LAMP3: variants seen among roughly 807,000 people sequenced by gnomAD.
The protein encoded by LAMP3 is lysosome associated membrane protein 3.
Under a neutral mutation model 34.8 loss-of-function variants are expected in LAMP3, and 26 were observed. That is an observed-to-expected ratio of 0.75 (90% CI 0.55 to 1.04). The LOEUF is 1.04. LAMP3 is among the 50% of genes least tolerant of loss of function. The pLI, the probability that LAMP3 is intolerant of heterozygous loss-of-function variation, is 0.00. For missense variants in LAMP3, 495 were observed against 524.0 expected (o/e 0.94, Z 0.54); for synonymous variants, 180 against 201.9 (o/e 0.89, Z 0.92).
intron 3 of LAMP3, among the ~76,000 whole-genome samples, chr3:183,148,600 A>C (rs1238067961): frequency 2.0e-5 from 3 of 152,248 alleles, no homozygotes; most frequent in Non-Finnish European, 4.4e-5. Flanking sequence ...AAGGTGCTCA[A>C]CACCACTGAT....
At chr3:183,162,103 T>G in intron 1 of LAMP3, 4 of 312,974 alleles carry the variant, frequency 1.3e-5, no homozygotes, top group Non-Finnish European at 1.9e-5. Flanking sequence ...GGAAAAGCTC[T>G]GGAGAAAGCG....
At position 183,143,309 on chromosome 3, in the gene LAMP3, C is replaced by G. The variant is rs1218902017; in HGVS notation, c.889-2714G>C. Among the ~76,000 whole-genome samples the G allele has an allele frequency of 1.1e-4, 17 of 152,268 alleles. No homozygotes were observed. The East Asian group carries it at 3.3e-3, about 29-fold the overall frequency. ...AAATTTTTTTATAGAGATGGGATCT[C>G]ACTATGGTGCCCAGGCTAGTCTTGA... On this transcript the variant is annotated intron_variant, in intron 3 of 5. Transcript: ENST00000265598.
At chr3:183,148,909 G>C (rs1425492907) in intron 3 of LAMP3, among the ~76,000 whole-genome samples, 3 of 152,184 alleles carry the variant, frequency 2.0e-5, no homozygotes, top group Non-Finnish European at 4.4e-5. Context: ...TTCTAGCACT[G>C]TTCACAACAG....
At chr3:183,155,259 G>A (rs1397261706) in intron 1 of LAMP3, among the ~76,000 whole-genome samples, 2 of 152,090 alleles carry the variant, frequency 1.3e-5, no homozygotes, top group African/African-American at 4.8e-5. Context: ...TTTGCCATGC[G>A]TTCATCCAAT....
chr3:183,138,358 T>G (rs924117789), intron 4 of LAMP3, among the ~76,000 whole-genome samples: 56 of 152,218 alleles, frequency 3.7e-4, no homozygotes, highest in Non-Finnish European at 8.8e-5. Context: ...GTAGCTGATA[T>G]TTTAAGTAGA....
At chr3:183,132,309 A>T (rs1169192882) in intron 5 of LAMP3, 2 of 917,202 alleles carry the variant, frequency 2.2e-6, no homozygotes, top group East Asian at 1.2e-4. Context: ...GCATATTAAG[A>T]TCATCTATAA....
chr3:183,132,609 T>C (rs769807738), intron 5 of LAMP3: 15 of 985,250 alleles, frequency 1.5e-5, no homozygotes, highest in Middle Eastern at 5.2e-4. Flanking sequence ...CAAGCACACC[T>C]GGCATGGCCT....
At chr3:183,127,395 A>C (rs980111440) in intron 5 of LAMP3, among the ~76,000 whole-genome samples, 5 of 152,160 alleles carry the variant, frequency 3.3e-5, no homozygotes, top group African/African-American at 9.7e-5. Context: ...TCGGCCTCCC[A>C]AAGTTTCAGG....
chr3:183,133,428 C>G (rs2108597361), intron 5 of LAMP3, among the ~76,000 whole-genome samples: 1 of 152,348 alleles, frequency 6.6e-6, no homozygotes, highest in East Asian at 1.9e-4. Context: ...AATCTCGGCT[C>G]ACTGCAACCT....
At chr3:183,127,767 C>T (rs1420609680) in intron 5 of LAMP3, among the ~76,000 whole-genome samples, 2 of 152,130 alleles carry the variant, frequency 1.3e-5, no homozygotes, top group African/African-American at 2.4e-5. Context: ...CAATCTTTGA[C>T]CTTGATCCAT....
chr3:183,162,546 G>T lies in LAMP3; in HGVS notation c.49+61C>A, dbSNP rs1469993705. 8 of 1,505,270 alleles carry T rather than the reference G, an allele frequency of 5.3e-6. 1 individual carries two copies. Among genetic ancestry groups the T allele is most frequent in the Admixed American group, 3.9e-5 (2 of 50,906 alleles). 93.2% of individuals were successfully genotyped at this position (1,505,270 alleles called of 1,614,324 possible). On this transcript the variant is annotated intron_variant, in intron 1 of 5. Transcript: ENST00000265598. ...TGTGGCGCCCGGGACTCCAGAGTGCGTTTAGATGAAAGGGGACCGACACGT... is the reference window on the plus strand; with the variant it reads ...TGTGGCGCCCGGGACTCCAGAGTGCTTTTAGATGAAAGGGGACCGACACGT...
chr3:183,128,775 C>G (rs1356646665), intron 5 of LAMP3, among the ~76,000 whole-genome samples: 1 of 152,116 alleles, frequency 6.6e-6, no homozygotes, highest in Non-Finnish European at 1.5e-5. Context: ...CTCCTGGGCT[C>G]AAGCAATCCT....
chr3:183,155,310 C>T (rs558337495), intron 1 of LAMP3, among the ~76,000 whole-genome samples: 1 of 152,348 alleles, frequency 6.6e-6, no homozygotes, highest in South Asian at 2.1e-4. Flanking sequence ...CTCATCTCTT[C>T]ACAATACAGT....
At position 183,152,732 on chromosome 3, in the gene LAMP3, G is replaced by A. The variant is rs1474221869; in HGVS notation, c.760-229C>T. On this transcript the variant is annotated intron_variant, in intron 2 of 5. Transcript: ENST00000265598. ...TTCTTTTGTAAATAATTGATGGCAG[G>A]TATGTTCCTGATAAGCTGCATGGAA... is the stretch of plus-strand genomic sequence containing the variant. Among the ~76,000 whole-genome samples, 5 of 152,132 alleles carry A rather than the reference G, an allele frequency of 3.3e-5. No homozygotes were observed. In the East Asian group the frequency reaches 7.7e-4, roughly 23 times the overall value.
chr3:183,153,768 T>G lies in LAMP3; in HGVS notation c.673A>C (p.Thr225Pro). The change falls in exon 2 of 6, where the codon ACT becomes CCT. Residue 225 changes from threonine to proline, a missense_variant. By Grantham distance (38) the Thr-to-Pro change is conservative. Transcript: ENST00000265598. ...TLAPQPSSVK[T>P]GIYQVLNGSR... ...CCGTTTAGAACCTGATAAATTCCAG[T>G]CTTGACTGACGATGGCTGAGGTGCA... 1 of 1,568,080 alleles carries G rather than the reference T, an allele frequency of 6.4e-7. No individual in the cohort carries two copies. The highest frequency in any genetic ancestry group is 1.2e-5 in the South Asian group (1 of 81,576).
intron 4 of LAMP3, among the ~76,000 whole-genome samples, chr3:183,136,590 G>A (rs1720096800): frequency 7.0e-6 from 1 of 142,676 alleles, no homozygotes; most frequent in African/African-American, 2.5e-5. Context: ...GGTGGAGGTT[G>A]TGTTGAGCCG....
At chr3:183,125,931 G>C (rs893584960) in intron 5 of LAMP3, among the ~76,000 whole-genome samples, 3 of 152,102 alleles carry the variant, frequency 2.0e-5, no homozygotes, top group African/African-American at 7.2e-5. Context: ...ACTTCCCAAA[G>C]TGCTGGGATT....
At chr3:183,129,982 CA>C (rs1488369067) in intron 5 of LAMP3, among the ~76,000 whole-genome samples, 2 of 152,144 alleles carry the variant, frequency 1.3e-5, no homozygotes, top group African/African-American at 4.8e-5. Flanking sequence ...CACGTGAAGA[CA>C]CAGGCCATCT....
intron 4 of LAMP3, among the ~76,000 whole-genome samples, chr3:183,139,040 C>T (rs962182779): frequency 4.6e-5 from 7 of 152,264 alleles, no homozygotes; most frequent in African/African-American, 1.7e-4. Flanking sequence ...TAATGTCCCA[C>T]CTAAAATAGC....
Sources: allele counts gnomAD v4.1 joint callset (sites outside exome capture counted in the v4.1 genomes callset), GRCh38; gene constraint gnomAD v4.1.1; transcripts MANE v1.5; gene names NCBI Gene and HGNC (gene_info 2026-07-23, HGNC 2026-07-21).